The following PTPRQ variants were observed in gnomAD, a reference collection of about 807,000 sequenced individuals.
The protein encoded by PTPRQ is phosphatidylinositol phosphatase PTPRQ.
In PTPRQ, 199 loss-of-function variants were observed where a neutral mutation model predicts 246.0. The ratio of observed to expected loss-of-function variants is 0.81; its 90% CI spans 0.72 to 0.91. The LOEUF (loss-of-function observed/expected upper bound fraction) is 0.91, where lower values mean the gene tolerates loss of function less well. Ranked by LOEUF, PTPRQ falls within the 40% of genes least tolerant of loss-of-function variation. The pLI is 0.00. For missense variants in PTPRQ, 2,624 were observed against 2,528.4 expected (o/e 1.04, Z -0.81); for synonymous variants, 869 against 853.2 (o/e 1.02, Z -0.32).
chr12:80,444,784 C>T lies in PTPRQ; in HGVS notation c.98C>T (p.Thr33Ile), dbSNP rs78857302. The change falls in exon 2 of 45, where the codon ACC becomes ATC. Residue 33 changes from threonine (T) to isoleucine (I), a missense_variant. By Grantham distance (89) the Thr-to-Ile change is moderately conservative. Coordinates refer to ENST00000644991, the MANE Select transcript of PTPRQ (RefSeq NM_001145026.2). ...NVVPGTRYDI[T>I]ISSISTTYTS... ...GTTCCTGGTACTAGGTACGATATAACCATCTCTTCAATTTCTACAACATAC... is the reference window on the plus strand; with the variant it reads ...GTTCCTGGTACTAGGTACGATATAATCATCTCTTCAATTTCTACAACATAC... 40,414 of 1,539,526 alleles carry T rather than the reference C, an allele frequency of 0.026. 957 individuals are homozygous for T. Among genetic ancestry groups the T allele is most frequent in the Admixed American group, 0.087 (4,386 of 50,658 alleles).
intron 25 of PTPRQ, among the ~76,000 whole-genome samples, chr12:80,586,334 A>G (rs1390047798): frequency 6.6e-6 from 1 of 151,256 alleles, no homozygotes; most frequent in African/African-American, 2.4e-5. Context: ...TGCAAATCAA[A>G]ACCACAATGA....
Position 80,506,672 on chromosome 12 carries a change from T to C in PTPRQ, c.2557+2T>C. 6.5e-7 allele frequency: 1 copy of C among 1,538,436 alleles called. No individual in the cohort carries two copies. The highest frequency in any genetic ancestry group is 1.2e-5 in the South Asian group (1 of 82,064). On this transcript the variant is annotated splice_donor_variant, in intron 16 of 44. Coordinates refer to ENST00000644991, the MANE Select transcript of PTPRQ (RefSeq NM_001145026.2). LOFTEE classifies it high-confidence loss of function. Reference sequence around the variant, plus strand: ...TAAGTATACTGACGGAGGAAGATGGTAAATATAATAGTGGATATTGATATA... The same window carrying C: ...TAAGTATACTGACGGAGGAAGATGGCAAATATAATAGTGGATATTGATATA...
intron 42 of PTPRQ, among the ~76,000 whole-genome samples, chr12:80,671,460 G>A (rs1225692150): frequency 6.6e-6 from 1 of 152,052 alleles, no homozygotes; most frequent in Non-Finnish European, 1.5e-5. Flanking sequence ...ACTGCCATGG[G>A]CACTAAAAGA....
Position 80,648,985 on chromosome 12 carries a change from G to C in PTPRQ, c.5942+62G>C, listed in dbSNP as rs1900166756. On this transcript the variant is annotated intron_variant, in intron 36 of 44. Transcript: ENST00000644991. ...TATCAAAGTTAGATGCACTGACTCA[G>C]TAGAACCTTAATGTGTGATTCACTT... 2.1e-6 allele frequency: 3 copies of C among 1,436,562 alleles called. No individual in the cohort carries two copies. In the East Asian group the frequency reaches 8.3e-5, roughly 40 times the overall value. The allele number at this position is 1,436,562 out of a possible 1,614,324, so 89.0% of individuals were successfully genotyped here. A position where few individuals can be genotyped will look rare whatever the true frequency, so the allele number is the denominator to read the frequency against.
intron 3 of PTPRQ, among the ~76,000 whole-genome samples, chr12:80,455,748 G>A (rs1892960554): frequency 6.7e-6 from 1 of 148,218 alleles, no homozygotes; most frequent in South Asian, 2.1e-4. Context: ...CCGCCACCAT[G>A]CCCGGCTAAT....
intron 41 of PTPRQ, among the ~76,000 whole-genome samples, 165 bp downstream of exon 41, chr12:80,669,629 T>C (rs956995488): frequency 6.6e-6 from 1 of 152,052 alleles, no homozygotes; most frequent in African/African-American, 2.4e-5. Flanking sequence ...TATCCAACTT[T>C]AGTATCAATG....
intron 24 of PTPRQ, 104 bp from the exon 25 acceptor site, chr12:80,549,361 T>G (rs1896399995): frequency 7.5e-7 from 1 of 1,326,888 alleles, no homozygotes; most frequent in East Asian, 2.6e-5. Context: ...ATTAAATATT[T>G]TTCTAGTTCT....
chr12:80,577,393 G>A (rs995019638), intron 25 of PTPRQ, among the ~76,000 whole-genome samples: 8 of 152,112 alleles, frequency 5.3e-5, no homozygotes, highest in African/African-American at 1.9e-4. Flanking sequence ...ATCAGATCTT[G>A]TGAGACCTAA....
chr12:80,492,811 A>G (rs1161654167), intron 9 of PTPRQ, among the ~76,000 whole-genome samples: 1 of 151,990 alleles, frequency 6.6e-6, no homozygotes, highest in Admixed American at 6.6e-5. Flanking sequence ...ATTATAAACT[A>G]TTATCATTAA....
intron 25 of PTPRQ, among the ~76,000 whole-genome samples, chr12:80,583,437 C>T (rs532268262): frequency 6.6e-6 from 1 of 151,994 alleles, no homozygotes; most frequent in Non-Finnish European, 1.5e-5. Context: ...TAGATTAGGC[C>T]TCTTTGGAGT....
chr12:80,571,058 G>A (rs939221209), intron 25 of PTPRQ, among the ~76,000 whole-genome samples: 7 of 152,150 alleles, frequency 4.6e-5, no homozygotes, highest in African/African-American at 1.7e-4. Context: ...GATTGTCTTT[G>A]CTATGTGCTC....
chr12:80,482,553 T>C lies in PTPRQ; in HGVS notation c.1187-1880T>C, dbSNP rs1174754094. ...ATCTAATTAAACTAAAGAGCTTCTG[T>C]ACAGCAAAAGAAACTACCATCAGAG... On this transcript the variant is annotated intron_variant, in intron 8 of 44. Transcript: ENST00000644991. 1.3e-4 allele frequency among the ~76,000 whole-genome samples: 19 copies of C among 150,422 alleles called. 1 individual carries two copies. Among genetic ancestry groups the C allele is most frequent in the African/African-American group, 2.2e-4 (9 of 40,026 alleles).
intron 26 of PTPRQ, among the ~76,000 whole-genome samples, chr12:80,597,823 A>G (rs1898019495): frequency 6.6e-6 from 1 of 151,962 alleles, no homozygotes; most frequent in Admixed American, 6.6e-5. Flanking sequence ...CTGCTTTTCT[A>G]TGGCTTCCCC....
chr12:80,632,006 A>T (rs1239645260), intron 33 of PTPRQ, among the ~76,000 whole-genome samples, 186 bp from the exon 34 acceptor site: 1 of 152,200 alleles, frequency 6.6e-6, no homozygotes, highest in African/African-American at 2.4e-5. Flanking sequence ...AAAAAGCAAG[A>T]AGACCCGGGA....
At chr12:80,668,895 T>C (rs1900873449) in intron 39 of PTPRQ, 112 bp from the exon 40 acceptor site, 4 of 1,329,302 alleles carry the variant, frequency 3.0e-6, no homozygotes, top group Non-Finnish European at 3.9e-6. Context: ...TTTACGGTAT[T>C]CTAAAATATT....
At chr12:80,566,199 C>T (rs1249196431) in intron 25 of PTPRQ, among the ~76,000 whole-genome samples, 1 of 152,064 alleles carries the variant, frequency 6.6e-6, no homozygotes, top group Non-Finnish European at 1.5e-5. Context: ...TAGCCCAAGC[C>T]AGGCATGGTG....
intron 8 of PTPRQ, among the ~76,000 whole-genome samples, chr12:80,479,364 C>A (rs996138318): frequency 2.6e-4 from 39 of 151,896 alleles, no homozygotes; most frequent in African/African-American, 9.4e-4. Context: ...TCTAAAAGAG[C>A]TCCTGAAGGA....
intron 24 of PTPRQ, among the ~76,000 whole-genome samples, chr12:80,548,232 T>C (rs888840962): frequency 6.6e-6 from 1 of 152,020 alleles, no homozygotes; most frequent in Non-Finnish European, 1.5e-5. Context: ...AGTGTTTTAA[T>C]ATCAATGGTT....
intron 20 of PTPRQ, among the ~76,000 whole-genome samples, 188 bp downstream of exon 20, chr12:80,540,132 T>C (rs1401824441): frequency 6.6e-6 from 1 of 152,112 alleles, no homozygotes; most frequent in Non-Finnish European, 1.5e-5. Context: ...TCAAGAAAAC[T>C]GCTAACATCC....
Sources: allele counts gnomAD v4.1 joint callset (sites outside exome capture counted in the v4.1 genomes callset), GRCh38; gene constraint gnomAD v4.1.1; transcripts MANE v1.5; gene names NCBI Gene and HGNC (gene_info 2026-07-23, HGNC 2026-07-21).